Variants in HIP1 observed in about 807,000 individuals in gnomAD.
The protein encoded by HIP1 is huntingtin interacting protein 1.
HIP1 carries 65 observed loss-of-function variants against 147.6 expected under a neutral mutation model. That is an observed-to-expected ratio of 0.44 (90% CI 0.36 to 0.54). HIP1 has a LOEUF of 0.54. Ranked by LOEUF, HIP1 falls within the 20% of genes least tolerant of loss-of-function variation. HIP1 has a pLI of 0.00. For missense variants in HIP1, 1,061 were observed against 1,299.6 expected (o/e 0.82, Z 2.82); for synonymous variants, 479 against 504.0 (o/e 0.95, Z 0.67).
chr7:75,558,084 C>A, intron 15 of HIP1, 83 bp downstream of exon 15: 1 of 1,115,286 alleles, frequency 9.0e-7, no homozygotes, highest in Admixed American at 1.8e-5. Flanking sequence ...GGGTTGCTGG[C>A]CCCGGGGAAG....
rs1793993401 is a variant in HIP1 at position 75,534,047 on chromosome 7, G to A, written c.*4125C>T. 1 of 231,786 alleles carries A rather than the reference G, an allele frequency of 4.3e-6. No individual in the cohort carries two copies. Among genetic ancestry groups the A allele is most frequent in the Non-Finnish European group, 8.5e-6 (1 of 117,260 alleles). 14.4% of individuals were successfully genotyped at this position (231,786 alleles called of 1,614,324 possible). A position where few individuals can be genotyped will look rare whatever the true frequency, so the allele number is the denominator to read the frequency against. ...ATGCTGACCGGTTATTAAAGACCAG[G>A]GTCAAATGGAGCCAGGAGACCCCTC... On this transcript the variant is annotated 3_prime_UTR_variant, in exon 31 of 31. Coordinates refer to ENST00000336926, the MANE Select transcript of HIP1 (RefSeq NM_005338.7).
chr7:75,714,950 G>A (rs1226802908), intron 1 of HIP1, among the ~76,000 whole-genome samples: 1 of 152,202 alleles, frequency 6.6e-6, no homozygotes, highest in Non-Finnish European at 1.5e-5. Flanking sequence ...CCTCCCGTCT[G>A]TGACAGTTCC....
chr7:75,555,903 C>T, intron 18 of HIP1, 123 bp downstream of exon 18: 8 of 1,191,952 alleles, frequency 6.7e-6, no homozygotes, highest in Non-Finnish European at 9.6e-6. Context: ...AATGTCTGCA[C>T]AATCAGGCCA....
chr7:75,581,354 C>T, intron 6 of HIP1, 56 bp from the exon 7 acceptor site: 1 of 1,316,236 alleles, frequency 7.6e-7, no homozygotes, highest in Non-Finnish European at 1.1e-6. Context: ...GGTCTGTTAC[C>T]TGTCCCCTCC....
At chr7:75,723,969 GAA>G (rs200517108) in intron 1 of HIP1, among the ~76,000 whole-genome samples, 11,888 of 148,124 alleles carry the variant, frequency 0.08, 646 homozygotes, top group Middle Eastern at 0.12. Context: ...GAGAGAGAGA[GAA>G]AGAGAGACAG....
At chr7:75,576,938 G>A (rs1795865128) in intron 7 of HIP1, among the ~76,000 whole-genome samples, 1 of 152,172 alleles carries the variant, frequency 6.6e-6, no homozygotes, top group Non-Finnish European at 1.5e-5. Context: ...TAGTGCAGCT[G>A]AGGACCTGAC....
intron 1 of HIP1, among the ~76,000 whole-genome samples, chr7:75,612,870 G>A (rs1173958225): frequency 1.3e-5 from 2 of 152,020 alleles, no homozygotes; most frequent in African/African-American, 4.8e-5. Flanking sequence ...TTGAGAGGCC[G>A]AGGCAGGCAG....
chr7:75,659,869 T>G (rs905307832), intron 1 of HIP1, among the ~76,000 whole-genome samples: 1 of 152,142 alleles, frequency 6.6e-6, no homozygotes, highest in East Asian at 1.9e-4. Flanking sequence ...GGCTCACACC[T>G]GTAATCCCAG....
intron 1 of HIP1, among the ~76,000 whole-genome samples, chr7:75,675,185 C>A (rs1799853489): frequency 6.6e-6 from 1 of 151,836 alleles, no homozygotes; most frequent in South Asian, 2.1e-4. Context: ...CCTCTTTCAT[C>A]TTCTCAAATC....
intron 1 of HIP1, among the ~76,000 whole-genome samples, chr7:75,712,446 C>A (rs1335806931): frequency 2.0e-5 from 3 of 152,038 alleles, no homozygotes; most frequent in Non-Finnish European, 4.4e-5. Context: ...GGCTCACACT[C>A]CAATAGTAGG....
chr7:75,712,185 A>G (rs1417770661), intron 1 of HIP1, among the ~76,000 whole-genome samples: 1 of 151,650 alleles, frequency 6.6e-6, no homozygotes, highest in Non-Finnish European at 1.5e-5. Flanking sequence ...TACGGGGGGA[A>G]AAAAAGTTAT....
intron 1 of HIP1, among the ~76,000 whole-genome samples, chr7:75,691,713 G>A (rs782513946): frequency 2.6e-5 from 4 of 151,996 alleles, no homozygotes; most frequent in Non-Finnish European, 5.9e-5. Flanking sequence ...GCTTGAACCC[G>A]GGAGAAGGAG....
intron 29 of HIP1, among the ~76,000 whole-genome samples, chr7:75,539,906 C>T (rs1375444802): frequency 6.6e-6 from 1 of 152,196 alleles, no homozygotes; most frequent in African/African-American, 2.4e-5. Flanking sequence ...AATGTTTAGC[C>T]TAACTGTATG....
At chr7:75,694,483 T>C (rs1800567378) in intron 1 of HIP1, among the ~76,000 whole-genome samples, 1 of 150,116 alleles carries the variant, frequency 6.7e-6, no homozygotes, top group Non-Finnish European at 1.5e-5. Flanking sequence ...TCTTTCTTTT[T>C]TTCTTTTTCT....
chr7:75,705,904 T>C (rs1800976361), intron 1 of HIP1, among the ~76,000 whole-genome samples: 1 of 152,096 alleles, frequency 6.6e-6, no homozygotes, highest in African/African-American at 2.4e-5. Flanking sequence ...ATTTTATTAT[T>C]TTTTTGAGAC....
rs782302135 is a variant in HIP1, at chr7:75,557,781, A to G, written c.1465-11T>C. On this transcript the variant is annotated splice_polypyrimidine_tract_variant and intron_variant, in intron 15 of 30. Coordinates refer to ENST00000336926, the MANE Select transcript of HIP1 (RefSeq NM_005338.7). ...GGTCACCTCTGCATTCTGCAAAAGA[A>G]GAACAGTGTCTTGAACCAGGAGATC... 3 of 1,593,428 alleles carry G rather than the reference A, an allele frequency of 1.9e-6. No individual in the cohort carries two copies. The East Asian group carries it at 6.7e-5, about 36-fold the overall frequency.
intron 1 of HIP1, among the ~76,000 whole-genome samples, chr7:75,738,584 G>A (rs1410366458): frequency 1.2e-4 from 19 of 152,056 alleles, no homozygotes; most frequent in Admixed American, 1.0e-3. Context: ...CATCTCCTCC[G>A]AGCCCGCCTC....
chr7:75,561,388 C>T lies in HIP1; in HGVS notation c.1132G>A (p.Glu378Lys), dbSNP rs782178278. 4 of 1,611,890 alleles carry T rather than the reference C, an allele frequency of 2.5e-6. No homozygotes were observed. Among genetic ancestry groups the T allele is most frequent in the South Asian group, 1.1e-5 (1 of 91,052 alleles). ...CCACTGATCTCTCTGTATAGTCGCT[C>T]AATTAAGTGGTCCCTGGGAAGAGAA... ...VNKDEKDHLIERLYREISGLK... is the reference protein window; with the variant it reads ...VNKDEKDHLIKRLYREISGLK... Residue 378 changes from glutamate (E) to lysine (K), a missense_variant, in exon 13 of 31, where the codon GAG becomes AAG. Around this residue, in one of 3 missense-constraint regions of HIP1, gnomAD observed 810 missense variants for 946.8 expected, o/e 0.86. Coordinates refer to ENST00000336926, the MANE Select transcript of HIP1 (RefSeq NM_005338.7).
chr7:75,564,073 G>A (rs587728883), intron 9 of HIP1, among the ~76,000 whole-genome samples: 2 of 152,098 alleles, frequency 1.3e-5, no homozygotes, highest in Non-Finnish European at 2.9e-5. Context: ...TAATTTTTTG[G>A]TAGAAACAGG....
Sources: allele counts gnomAD v4.1 joint callset (sites outside exome capture counted in the v4.1 genomes callset), GRCh38; gene constraint gnomAD v4.1.1; regional missense constraint gnomAD v4.1.1; transcripts MANE v1.5; gene names NCBI Gene and HGNC (gene_info 2026-07-23, HGNC 2026-07-21).